PCSK5: variants seen among roughly 807,000 people sequenced by gnomAD.
PCSK5 encodes prohormone convertase 5.
PCSK5 carries 129 observed loss-of-function variants against 233.2 expected under a neutral mutation model. That is an observed-to-expected ratio of 0.55 (90% confidence interval 0.48 to 0.64). The LOEUF (loss-of-function observed/expected upper bound fraction) is 0.64. PCSK5 is among the 30% of genes least tolerant of loss of function. The pLI is 0.00. For synonymous variants in PCSK5, 825 were observed against 879.2 expected, an observed-to-expected ratio of 0.94 and a Z score of 1.09; for missense variants, 2,076 against 2,430.1, an observed-to-expected ratio of 0.85 and a Z score of 3.06.
chr9:75,996,821 T>G (rs994638677), intron 3 of PCSK5, among the ~76,000 whole-genome samples: 3 of 151,712 alleles, frequency 2.0e-5, no homozygotes, highest in Non-Finnish European at 4.4e-5. Flanking sequence ...CAAAGTTTTT[T>G]TTTTTTTTTT....
intron 12 of PCSK5, among the ~76,000 whole-genome samples, chr9:76,169,031 A>G (rs951387254): frequency 2.6e-5 from 4 of 152,166 alleles, no homozygotes; most frequent in Non-Finnish European, 4.4e-5. Flanking sequence ...CATGGTATGT[A>G]TTAGTAGTTA....
chr9:75,952,815 C>A (rs895332391), intron 2 of PCSK5, among the ~76,000 whole-genome samples: 2 of 152,166 alleles, frequency 1.3e-5, no homozygotes, highest in Admixed American at 1.3e-4. Flanking sequence ...ATTTCTGTTG[C>A]TTAGTATTCT....
Position 76,163,765 on chromosome 9 carries a change from A to G in PCSK5, c.1619+4594A>G, listed in dbSNP as rs532975718. ...GATATAAGCCTATATACTATGACACATTCAAAGTCTGCCTGTGTCAAAATT... is the reference window on the plus strand; with the variant it reads ...GATATAAGCCTATATACTATGACACGTTCAAAGTCTGCCTGTGTCAAAATT... On this transcript the variant is annotated intron_variant, in intron 12 of 37. Coordinates refer to ENST00000674117, the MANE Select transcript of PCSK5 (RefSeq NM_001372043.1). 3.3e-5 allele frequency among the ~76,000 whole-genome samples: 5 copies of G among 152,214 alleles called. No individual in the cohort carries two copies. In the South Asian group the frequency reaches 8.3e-4, roughly 25 times the overall value.
intron 9 of PCSK5, among the ~76,000 whole-genome samples, chr9:76,121,826 T>G (rs1250752594): frequency 4.8e-5 from 1 of 20,926 alleles, no homozygotes; most frequent in Non-Finnish European, 9.5e-5. Flanking sequence ...TTTTTTTTTT[T>G]TTTTTTTTTT....
intron 30 of PCSK5, among the ~76,000 whole-genome samples, chr9:76,317,171 G>C (rs142107995): frequency 0.069 from 10,524 of 152,132 alleles, 427 homozygotes; most frequent in Non-Finnish European, 0.083. Context: ...GACCAGCCTG[G>C]CCAACATGGT....
intron 1 of PCSK5, among the ~76,000 whole-genome samples, chr9:75,905,769 T>C (rs1382655797): frequency 6.6e-6 from 1 of 152,092 alleles, no homozygotes; most frequent in African/African-American, 2.4e-5. Flanking sequence ...ATGTGAGGGA[T>C]CTAGGTTGCG....
rs944528775 is a variant in PCSK5, at chr9:76,046,754, G to A, written c.632+19717G>A. Reference sequence around the variant, plus strand: ...TTTTTGTATTTTTAGTAGAGACGGGGTGTCAACGTGTTAGCCAGGATGGTC... The same window carrying A: ...TTTTTGTATTTTTAGTAGAGACGGGATGTCAACGTGTTAGCCAGGATGGTC... On this transcript the variant is annotated intron_variant, in intron 5 of 37. Transcript: ENST00000674117. Among the ~76,000 whole-genome samples, 6 of 150,734 alleles carry A rather than the reference G, an allele frequency of 4.0e-5. 1 individual carries two copies. Among genetic ancestry groups the A allele is most frequent in the Admixed American group, 2.0e-4 (3 of 15,110 alleles).
intron 5 of PCSK5, among the ~76,000 whole-genome samples, chr9:76,033,751 A>C (rs1467929723): frequency 6.6e-6 from 1 of 152,178 alleles, no homozygotes; most frequent in Non-Finnish European, 1.5e-5. Context: ...CTCAATCCTC[A>C]TGAGATGGTG....
At chr9:76,034,977 T>C (rs932450825) in intron 5 of PCSK5, among the ~76,000 whole-genome samples, 1 of 152,180 alleles carries the variant, frequency 6.6e-6, no homozygotes, top group Non-Finnish European at 1.5e-5. Flanking sequence ...TTTTCTGACC[T>C]TCCATTTCTG....
intron 9 of PCSK5, among the ~76,000 whole-genome samples, chr9:76,123,471 G>A (rs1170791471): frequency 6.6e-6 from 1 of 151,974 alleles, no homozygotes; most frequent in Non-Finnish European, 1.5e-5. Context: ...ATATAAACAT[G>A]GCTTACATTT....
intron 37 of PCSK5, among the ~76,000 whole-genome samples, chr9:76,355,991 ACCG>A (rs1334823277): frequency 1.3e-5 from 2 of 152,158 alleles, no homozygotes; most frequent in African/African-American, 4.8e-5. Context: ...GGCGTGAGCT[ACCG>A]CGCCTGGCTT....
Position 76,096,051 on chromosome 9 carries a change from A to G in PCSK5, c.1056A>G (p.Ser352=). The G allele has an allele frequency of 6.2e-7, 1 of 1,614,176 alleles. No homozygotes were observed. The highest frequency in any genetic ancestry group is 1.1e-5 in the South Asian group (1 of 91,074). The part of the protein sequence containing the change: ...GKKPWYLEEC[S]STLATTYSSG... ...AACCTTGGTACCTGGAAGAGTGTTC[A>G]TCCACGCTGGCCACAACCTACAGCA... Residue 352 remains serine (S), a synonymous_variant, in exon 8 of 38, where the codon TCA becomes TCG. Transcript: ENST00000674117.
chr9:76,349,273 C>CAAAAAAAAAAAAAA (rs71372068), intron 35 of PCSK5, among the ~76,000 whole-genome samples: 2 of 66,432 alleles, frequency 3.0e-5, no homozygotes, highest in Non-Finnish European at 5.9e-5. Flanking sequence ...GACTCTGTCT[C>CAAAAAAAAAAAAAA]AAAAAAAAAA....
At chr9:76,051,976 G>C (rs1241233773) in intron 5 of PCSK5, among the ~76,000 whole-genome samples, 1 of 152,170 alleles carries the variant, frequency 6.6e-6, no homozygotes, top group Non-Finnish European at 1.5e-5. Flanking sequence ...GGCATAACTA[G>C]GGGCTGCAGA....
At position 75,956,030 on chromosome 9, in the gene PCSK5, C is replaced by T. The variant is rs555175934; in HGVS notation, c.297+23547C>T. On this transcript the variant is annotated intron_variant, in intron 2 of 37. Coordinates refer to ENST00000674117, the MANE Select transcript of PCSK5 (RefSeq NM_001372043.1). Reference sequence around the variant, plus strand: ...AAGCATATTTAATAAACAGCTAAAGCGTCCAGGCTGTACTCTTGTAACCAC... The same window carrying T: ...AAGCATATTTAATAAACAGCTAAAGTGTCCAGGCTGTACTCTTGTAACCAC... 5.5e-4 allele frequency among the ~76,000 whole-genome samples: 83 copies of T among 152,270 alleles called. 1 individual carries two copies. In the Middle Eastern group the frequency reaches 0.017, roughly 31 times the overall value.
chr9:76,084,239 A>G (rs1340526474), intron 7 of PCSK5, among the ~76,000 whole-genome samples: 1 of 152,262 alleles, frequency 6.6e-6, no homozygotes, highest in Non-Finnish European at 1.5e-5. Flanking sequence ...GTGGTTTCAC[A>G]TTATTTAATT....
At chr9:76,340,027 T>TA (rs1587352379) in intron 35 of PCSK5, among the ~76,000 whole-genome samples, 2 of 152,152 alleles carry the variant, frequency 1.3e-5, no homozygotes, top group East Asian at 1.9e-4. Flanking sequence ...ACTCTCAACT[T>TA]AAAGATTCAG....
intron 5 of PCSK5, among the ~76,000 whole-genome samples, chr9:76,031,868 G>A (rs1828666300): frequency 6.6e-6 from 1 of 152,106 alleles, no homozygotes; most frequent in African/African-American, 2.4e-5. Flanking sequence ...CAAAATATGT[G>A]TGCCTATGAA....
chr9:75,969,157 T>C (rs1825716366), intron 2 of PCSK5, among the ~76,000 whole-genome samples: 1 of 152,194 alleles, frequency 6.6e-6, no homozygotes, highest in Admixed American at 6.5e-5. Flanking sequence ...CGACAATGAA[T>C]CAACTTTACA....
Sources: allele counts gnomAD v4.1 joint callset (sites outside exome capture counted in the v4.1 genomes callset), GRCh38; gene constraint gnomAD v4.1.1; transcripts MANE v1.5; gene names NCBI Gene and HGNC (gene_info 2026-07-23, HGNC 2026-07-21).